Variants in CACNB2 observed in about 807,000 individuals in gnomAD.
CACNB2 encodes the protein calcium voltage-gated channel auxiliary subunit beta 2.
CACNB2 carries 42 observed loss-of-function variants against 73.3 expected under a neutral mutation model. The observed-to-expected ratio is 0.57, with a 90% CI of 0.45 to 0.74. CACNB2 has a LOEUF of 0.74. Ranked by LOEUF, CACNB2 falls within the 30% of genes least tolerant of loss-of-function variation. The probability of loss-of-function intolerance (pLI) is 0.00; values close to 1 mark genes in which losing one functional copy is unlikely to be tolerated. For synonymous variants in CACNB2, 348 were observed against 310.3 expected, an observed-to-expected ratio of 1.12 and a Z score of -1.28; for missense variants, 940 against 853.0, an observed-to-expected ratio of 1.10 and a Z score of -1.27.
At chr10:18,343,703 G>C (rs964426304) in intron 2 of CACNB2, among the ~76,000 whole-genome samples, 8 of 152,182 alleles carry the variant, frequency 5.3e-5, no homozygotes, top group Non-Finnish European at 1.0e-4. Flanking sequence ...GGAAAGTGAT[G>C]AGTTGAGTTT....
In CACNB2 at chr10:18,540,178, C is replaced by CCT. The variant is rs1163319074; in HGVS notation, c.*457_*458dup. ...CATGGACCACTGTTTCTTGCTTGTACCTCTGGCTGACTAAATTTGGGGACA... is the reference window on the plus strand; with the variant it reads ...CATGGACCACTGTTTCTTGCTTGTACCTCTCTGGCTGACTAAATTTGGGGACA... On this transcript the variant is annotated 3_prime_UTR_variant, in exon 14 of 14. Coordinates refer to ENST00000324631, the MANE Select transcript of CACNB2 (RefSeq NM_201596.3). The CCT allele has an allele frequency of 5.4e-6, 1 of 184,600 alleles. No homozygotes were observed. The highest frequency in any genetic ancestry group is 1.1e-5 in the Non-Finnish European group (1 of 87,728). 11.4% of individuals were successfully genotyped at this position (184,600 alleles called of 1,614,324 possible).
At chr10:18,251,526 G>A (rs1305295009) in intron 2 of CACNB2, among the ~76,000 whole-genome samples, 1 of 152,184 alleles carries the variant, frequency 6.6e-6, no homozygotes, top group African/African-American at 2.4e-5. Context: ...GAGATTACAG[G>A]CGTGGGCCAC....
chr10:18,442,128 G>C (rs922426451), intron 3 of CACNB2, among the ~76,000 whole-genome samples: 1 of 152,066 alleles, frequency 6.6e-6, no homozygotes, highest in Non-Finnish European at 1.5e-5. Flanking sequence ...CCTTGTAGTG[G>C]ACACACCTGG....
chr10:18,240,835 G>T (rs1487306800), intron 2 of CACNB2, among the ~76,000 whole-genome samples: 1 of 151,866 alleles, frequency 6.6e-6, no homozygotes, highest in African/African-American at 2.4e-5. Flanking sequence ...CACCCCCTCT[G>T]CCTGCCCATG....
chr10:18,143,182 A>G (rs181977052), intron 1 of CACNB2, among the ~76,000 whole-genome samples: 17 of 152,324 alleles, frequency 1.1e-4, no homozygotes, highest in Non-Finnish European at 4.4e-5. Flanking sequence ...GCGACAGGGA[A>G]CTGTGGAAGG....
intron 2 of CACNB2, among the ~76,000 whole-genome samples, chr10:18,229,079 T>C (rs2036127558): frequency 6.6e-6 from 1 of 152,204 alleles, no homozygotes; most frequent in Admixed American, 6.5e-5. Context: ...AAAAGCATTG[T>C]TACAGCAAAT....
intron 3 of CACNB2, among the ~76,000 whole-genome samples, chr10:18,416,005 A>C (rs761939699): frequency 2.0e-5 from 3 of 152,136 alleles, no homozygotes; most frequent in Admixed American, 6.5e-5. Flanking sequence ...ATAATGATCA[A>C]GTCAGGGGAC....
intron 2 of CACNB2, among the ~76,000 whole-genome samples, chr10:18,211,150 G>A (rs530024614): frequency 6.6e-6 from 1 of 152,304 alleles, no homozygotes; most frequent in African/African-American, 2.4e-5. Flanking sequence ...TATGCAGTAA[G>A]TTGATTTGAA....
intron 2 of CACNB2, among the ~76,000 whole-genome samples, chr10:18,376,789 C>T (rs1274587583): frequency 6.6e-6 from 1 of 152,082 alleles, no homozygotes; most frequent in Non-Finnish European, 1.5e-5. Context: ...TCAGGGCTAG[C>T]ATGTCCCCGG....
rs774736391 is a variant in CACNB2 at position 18,539,746 on chromosome 10, T to G, written c.*22T>G. ...ATGAGTTTTGCCCGTTTGTGTTTTT[T>G]TTTTTTTTTTTTTGAAGTCTTGTAT... On this transcript the variant is annotated 3_prime_UTR_variant, in exon 14 of 14. Transcript: ENST00000324631. The G allele has an allele frequency of 3.4e-5, 54 of 1,573,318 alleles. No individual in the cohort carries two copies. The East Asian group carries it at 5.3e-4, about 15-fold the overall frequency.
chr10:18,465,992 A>T (rs2047861680), intron 3 of CACNB2, among the ~76,000 whole-genome samples: 1 of 152,066 alleles, frequency 6.6e-6, no homozygotes, highest in Non-Finnish European at 1.5e-5. Context: ...CAACTTCTTT[A>T]TAAAGGTTTT....
At chr10:18,242,612 G>C (rs1421029380) in intron 2 of CACNB2, among the ~76,000 whole-genome samples, 1 of 152,090 alleles carries the variant, frequency 6.6e-6, no homozygotes, top group African/African-American at 2.4e-5. Flanking sequence ...AATTGGTAAG[G>C]CTGCAGCAAT....
At chr10:18,390,171 T>C (rs1336538437) in intron 2 of CACNB2, among the ~76,000 whole-genome samples, 1 of 149,036 alleles carries the variant, frequency 6.7e-6, no homozygotes, top group Non-Finnish European at 1.5e-5. Context: ...ATTGTTTCGC[T>C]GCTCAAGAAA....
intron 2 of CACNB2, among the ~76,000 whole-genome samples, chr10:18,221,665 C>T (rs937102251): frequency 2.0e-5 from 3 of 152,034 alleles, no homozygotes; most frequent in East Asian, 1.9e-4. Context: ...GGCAACAGAG[C>T]GAGACTGTCT....
At chr10:18,274,672 T>C (rs2038200301) in intron 2 of CACNB2, among the ~76,000 whole-genome samples, 1 of 152,198 alleles carries the variant, frequency 6.6e-6, no homozygotes, top group African/African-American at 2.4e-5. Flanking sequence ...AAATGTATTA[T>C]TTTAAATAAC....
chr10:18,438,512 C>A (rs542144200), intron 3 of CACNB2, among the ~76,000 whole-genome samples: 1 of 152,300 alleles, frequency 6.6e-6, no homozygotes, highest in Admixed American at 6.5e-5. Context: ...GCGGTAGCTG[C>A]AGCCTCGCGG....
At chr10:18,405,912 C>T (rs918631838) in intron 3 of CACNB2, among the ~76,000 whole-genome samples, 4 of 152,012 alleles carry the variant, frequency 2.6e-5, no homozygotes, top group South Asian at 2.1e-4. Flanking sequence ...GAGCTGAGAT[C>T]TCTTGCTCTC....
intron 3 of CACNB2, among the ~76,000 whole-genome samples, chr10:18,428,030 T>C (rs1365511123): frequency 6.6e-6 from 1 of 152,156 alleles, no homozygotes; most frequent in African/African-American, 2.4e-5. Flanking sequence ...TCTCACAAAA[T>C]TTCATATGTA....
rs115028519 is a variant in CACNB2, at chr10:18,395,736, C to A, written c.214-6188C>A. Among the ~76,000 whole-genome samples the A allele has an allele frequency of 2.7e-3, 417 of 152,280 alleles. 2 individuals carry two copies. The highest frequency in any genetic ancestry group is 9.6e-3 in the African/African-American group (398 of 41,552). On this transcript the variant is annotated intron_variant, in intron 2 of 13. Coordinates refer to ENST00000324631, the MANE Select transcript of CACNB2 (RefSeq NM_201596.3). The stretch of plus-strand genomic sequence containing the variant: ...AAAGTATCACACAGGGATGACCCTG[C>A]AGCGATGTATTGCTATCACCTCTGT...
Sources: gnomAD v4.1 joint callset for allele counts (sites outside exome capture counted in the v4.1 genomes callset) on GRCh38, gnomAD v4.1.1 for gene constraint, MANE v1.5 for transcripts, NCBI Gene and HGNC (gene_info 2026-07-23, HGNC 2026-07-21) for gene names.